The following ODAD3 variants were observed in gnomAD, a reference collection of about 807,000 sequenced individuals.
ODAD3 encodes outer dynein arm docking complex subunit 3.
A neutral mutation model predicts 70.9 loss-of-function variants in ODAD3; 57 were observed. The observed-to-expected ratio is 0.80, with a 90% CI of 0.65 to 1.00. The LOEUF (loss-of-function observed/expected upper bound fraction) is 1.00, where lower values mean the gene tolerates loss of function less well. Among genes scored for constraint, ODAD3 ranks in the 50% least tolerant of loss-of-function variants. The pLI, the probability that ODAD3 is intolerant of heterozygous loss-of-function variation, is 0.00. For synonymous variants in ODAD3, 327 were observed against 315.9 expected, an observed-to-expected ratio of 1.04 and a Z score of -0.37; for missense variants, 797 against 763.9, an observed-to-expected ratio of 1.04 and a Z score of -0.51.
Position 11,435,058 on chromosome 19 carries a change from A to T in ODAD3, c.-42T>A. 2 of 1,555,424 alleles carry T rather than the reference A, an allele frequency of 1.3e-6. No individual in the cohort carries two copies. The highest frequency in any genetic ancestry group is 1.7e-6 in the Non-Finnish European group (2 of 1,153,676). ...AAGGCCCCTAGGGGTTAGGGGGATA[A>T]CTAGGAGTCAGTCGCCCCTGTCAGG... On this transcript the variant is annotated 5_prime_UTR_variant, in exon 1 of 13. Transcript: ENST00000356392.
intron 3 of ODAD3, among the ~76,000 whole-genome samples, chr19:11,427,338 A>T (rs184126490): frequency 2.0e-5 from 3 of 150,182 alleles, no homozygotes; most frequent in Non-Finnish European, 4.4e-5. Context: ...TCTGACACCC[A>T]GGCTGGAGTG....
upstream of ODAD3, chr19:11,435,185 C>G: frequency 9.1e-6 from 13 of 1,428,998 alleles, no homozygotes; most frequent in Non-Finnish European, 1.2e-5. Flanking sequence ...GCCTCCCCGT[C>G]TCTCTCCACT....
rs1237874633 is a variant in ODAD3, at chr19:11,430,324, G to C, written c.444+375C>G. 2.6e-5 allele frequency among the ~76,000 whole-genome samples: 4 copies of C among 152,120 alleles called. No homozygotes were observed. In the East Asian group the frequency reaches 7.8e-4, roughly 29 times the overall value. Reference sequence around the variant, plus strand: ...AGCTAAGTTTTGTATTTTTAGTAGAGACAGGGTTTCTCCATGTTGGTCAGG... The same window carrying C: ...AGCTAAGTTTTGTATTTTTAGTAGACACAGGGTTTCTCCATGTTGGTCAGG... On this transcript the variant is annotated intron_variant, in intron 3 of 12. Coordinates refer to ENST00000356392, the MANE Select transcript of ODAD3 (RefSeq NM_145045.5).
chr19:11,422,663 C>T lies in ODAD3; in HGVS notation c.1278-36G>A, dbSNP rs771663934. On this transcript the variant is annotated intron_variant, in intron 9 of 12. Coordinates refer to ENST00000356392, the MANE Select transcript of ODAD3 (RefSeq NM_145045.5). This position sits in a 1 kb window ranked among gnomAD's most constrained non-coding sequence, Gnocchi z 4.6. ...CCGGGAGGTCACCCCGGGGGCTCAG[C>T]CCGCCCCGCCGCCCTCCCCAGAGCC... The T allele has an allele frequency of 6.2e-7, 1 of 1,605,786 alleles. No homozygotes were observed. Among genetic ancestry groups the T allele is most frequent in the Non-Finnish European group, 8.5e-7 (1 of 1,176,666 alleles).
Position 11,422,515 on chromosome 19 carries a change from C to G in ODAD3, c.1390G>C (p.Asp464His). 6.3e-7 allele frequency: 1 copy of G among 1,594,096 alleles called. No homozygotes were observed. Among genetic ancestry groups the G allele is most frequent in the Non-Finnish European group, 8.5e-7 (1 of 1,172,126 alleles). The change falls in exon 10 of 13, where the codon GAC becomes CAC. Residue 464 changes from aspartate to histidine, a missense_variant. Coordinates refer to ENST00000356392, the MANE Select transcript of ODAD3 (RefSeq NM_145045.5). This position sits in a 1 kb window ranked among gnomAD's most constrained non-coding sequence, Gnocchi z 4.6. ...RALRAMQVAKDSLEHLASKLI... is the reference protein window; with the variant it reads ...RALRAMQVAKHSLEHLASKLI... ...TTGCTGGCCAGGTGCTCCAGGCTGT[C>G]CTTGGCCACTTGCATCGCCCGCAAG...
At chr19:11,430,820 A>G (rs1568353935) in intron 2 of ODAD3, 44 bp from the exon 3 acceptor site, 3 of 1,613,890 alleles carry the variant, frequency 1.9e-6, no homozygotes, top group Non-Finnish European at 2.5e-6. Flanking sequence ...TGCCACCTCC[A>G]GCTAAGGCCA....
intron 1 of ODAD3, chr19:11,434,531 T>C (rs1163712386): frequency 7.2e-6 from 2 of 278,490 alleles, no homozygotes; most frequent in African/African-American, 5.3e-5. Flanking sequence ...AGTGAGATTC[T>C]GCCAAAAAAA....
Position 11,435,046 on chromosome 19 carries a change from G to T in ODAD3, c.-30C>A. On this transcript the variant is annotated 5_prime_UTR_variant, in exon 1 of 13. Transcript: ENST00000356392. ...GGGTTGGGGCTGAAGGCCCCTAGGGGTTAGGGGGATAACTAGGAGTCAGTC... is the reference window on the plus strand; with the variant it reads ...GGGTTGGGGCTGAAGGCCCCTAGGGTTTAGGGGGATAACTAGGAGTCAGTC... 3.2e-6 allele frequency: 5 copies of T among 1,576,588 alleles called. No individual in the cohort carries two copies. The highest frequency in any genetic ancestry group is 4.3e-6 in the Non-Finnish European group (5 of 1,163,056).
rs1568351044 is a variant in ODAD3, at chr19:11,426,167, C to G, written c.940G>C (p.Glu314Gln). ...ACCTTGCGCTCCATGCGCTCGTTCT[C>G]CAGTTTCTTCTCCTCGGCGCGCTTC... is the stretch of plus-strand genomic sequence containing the variant. The part of the protein sequence containing the change: ...CKKRAEEKKL[E>Q]NERMERKTHR... Residue 314 changes from glutamate to glutamine, a missense_variant, in exon 7 of 13, where the codon GAG becomes CAG. Physicochemically the swap from Glu to Gln is conservative, Grantham distance 29 (BLOSUM62 2). Transcript: ENST00000356392. 2 of 1,612,132 alleles carry G rather than the reference C, an allele frequency of 1.2e-6. No individual in the cohort carries two copies.
intron 1 of ODAD3, among the ~76,000 whole-genome samples, chr19:11,432,431 G>A (rs1969522338): frequency 6.6e-6 from 1 of 151,850 alleles, no homozygotes; most frequent in African/African-American, 2.4e-5. Context: ...TTTTTGTAGA[G>A]TCAAGGATCT....
Position 11,422,822 on chromosome 19 carries a change from C to A in ODAD3, c.1156G>T (p.Ala386Ser). The A allele has an allele frequency of 1.2e-6, 2 of 1,607,290 alleles. No individual in the cohort carries two copies. The highest frequency in any genetic ancestry group is 2.7e-5 in the African/African-American group (2 of 75,066). The change falls in exon 9 of 13, where the codon GCG becomes TCG. Residue 386 changes from alanine (A) to serine (S), a missense_variant. Transcript: ENST00000356392. The surrounding 1 kb of genome is among the most constrained non-coding windows in gnomAD (Gnocchi z 4.6). ...TCGCTCTTGAGCGTCTCCAACTGCG[C>A]GAAGGTGTCGCCCTGGGCCAGGAAC... ...RRFLAQGDTF[A>S]QLETLKSENE...
rs1599453350 is a variant in ODAD3, at chr19:11,422,933, C to T, written c.1117-72G>A. 6.6e-7 allele frequency: 1 copy of T among 1,517,560 alleles called. No individual in the cohort carries two copies. The highest frequency in any genetic ancestry group is 2.3e-5 in the East Asian group (1 of 43,664). 94.0% of individuals were successfully genotyped at this position (1,517,560 alleles called of 1,614,324 possible). A position where few individuals can be genotyped will look rare whatever the true frequency, so the allele number is the denominator to read the frequency against. ...GGGGCGCTCCACCTCCTCTCCCCCA[C>T]CCTGCGAACCCTCGCACGCAGGACA... On this transcript the variant is annotated intron_variant, in intron 8 of 12. Coordinates refer to ENST00000356392, the MANE Select transcript of ODAD3 (RefSeq NM_145045.5). This position sits in a 1 kb window ranked among gnomAD's most constrained non-coding sequence, Gnocchi z 4.6.
chr19:11,423,814 A>G, intron 8 of ODAD3, 63 bp downstream of exon 8: 6 of 1,355,744 alleles, frequency 4.4e-6, no homozygotes, highest in Non-Finnish European at 5.8e-6. Context: ...CGGCTTAGGC[A>G]CCCCTGGGGC....
chr19:11,422,866 G>C lies in ODAD3; in HGVS notation c.1117-5C>G, dbSNP rs754536374. The C allele has an allele frequency of 8.1e-6, 13 of 1,601,230 alleles. No individual in the cohort carries two copies. Among genetic ancestry groups the C allele is most frequent in the Non-Finnish European group, 1.0e-5 (12 of 1,179,536 alleles). ...CAGGAACCGCCGCACCAACGACTGC[G>C]GGCCACCCAGCCCCAGTCAGAGCCA... is the stretch of plus-strand genomic sequence containing the variant. On this transcript the variant is annotated splice_polypyrimidine_tract_variant and splice_region_variant and intron_variant, in intron 8 of 12. Transcript: ENST00000356392. This position sits in a 1 kb window ranked among gnomAD's most constrained non-coding sequence, Gnocchi z 4.6.
chr19:11,426,446 C>T lies in ODAD3; in HGVS notation c.840G>A (p.Lys280=), dbSNP rs1197369595. The T allele has an allele frequency of 3.1e-6, 5 of 1,614,002 alleles. No individual in the cohort carries two copies. Among genetic ancestry groups the T allele is most frequent in the South Asian group, 1.1e-5 (1 of 91,082 alleles). The change falls in exon 6 of 13, where the codon AAG becomes AAA. Residue 280 remains lysine (K), a splice_region_variant and synonymous_variant. Transcript: ENST00000356392. The part of the protein sequence containing the change: ...QEALNARDIA[K]NQLQYLEETL... ...TGGCCGAGGGCAAGAGGGGTGGCACCTTGGCAATGTCCCGGGCATTGAGGG... is the reference window on the plus strand; with the variant it reads ...TGGCCGAGGGCAAGAGGGGTGGCACTTTGGCAATGTCCCGGGCATTGAGGG...
rs1441269226 is a variant in ODAD3, at chr19:11,425,105, A to ATATATGTGTATATGTACATATGTG, written c.963+1015_963+1038dup. Among the ~76,000 whole-genome samples the ATATATGTGTATATGTACATATGTG allele has an allele frequency of 1.6e-4, 21 of 133,340 alleles. 1 individual carries two copies. The South Asian group carries it at 1.8e-3, about 12-fold the overall frequency. The allele number at this position is 133,340 out of a possible 152,430, so 87.5% of individuals were successfully genotyped here. A position where few individuals can be genotyped will look rare whatever the true frequency, so the allele number is the denominator to read the frequency against. ...TATATGTACATATGTGTATATATGT[A>ATATATGTGTATATGTACATATGTG]TATATGTGTATATGTACATATGTGT... On this transcript the variant is annotated intron_variant, in intron 7 of 12. Transcript: ENST00000356392.
Position 11,422,955 on chromosome 19 carries a change from G to A in ODAD3, c.1117-94C>T, listed in dbSNP as rs1969177535. On this transcript the variant is annotated intron_variant, in intron 8 of 12. Coordinates refer to ENST00000356392, the MANE Select transcript of ODAD3 (RefSeq NM_145045.5). This position sits in a 1 kb window ranked among gnomAD's most constrained non-coding sequence, Gnocchi z 4.6. ...CCACCCTGCGAACCCTCGCACGCAG[G>A]ACAGGTGGCCTGAGCTGGCGCCTTT... 4 of 1,429,668 alleles carry A rather than the reference G, an allele frequency of 2.8e-6. No individual in the cohort carries two copies. Among genetic ancestry groups the A allele is most frequent in the South Asian group, 2.6e-5 (2 of 77,574 alleles). The allele number at this position is 1,429,668 out of a possible 1,614,324, so 88.6% of individuals were successfully genotyped here.
At chr19:11,424,585 CTA>C (rs1420223016) in intron 7 of ODAD3, among the ~76,000 whole-genome samples, 5 of 116,748 alleles carry the variant, frequency 4.3e-5, no homozygotes, top group African/African-American at 1.6e-4. Flanking sequence ...GTATATATAC[CTA>C]TGTGTATAAA....
Position 11,430,756 on chromosome 19 carries a change from C to T in ODAD3, c.387G>A (p.Gln129=), listed in dbSNP as rs1433207608. 6.2e-7 allele frequency: 1 copy of T among 1,614,096 alleles called. No individual in the cohort carries two copies. The highest frequency in any genetic ancestry group is 1.7e-5 in the Admixed American group (1 of 59,986). ...DLLKGDEKVV[Q]AVIREWKWEK... The stretch of plus-strand genomic sequence containing the variant: ...CCCACTTCCATTCGCGAATCACTGC[C>T]TGGACCACTTTCTCATCTCCCTGCA... Residue 129 remains glutamine (Q), a synonymous_variant, in exon 3 of 13, where the codon CAG becomes CAA. Transcript: ENST00000356392.
Sources: gnomAD v4.1 joint callset for allele counts (sites outside exome capture counted in the v4.1 genomes callset) on GRCh38, gnomAD v4.1.1 for gene constraint, Gnocchi (gnomAD v3.1) non-coding constraint, MANE v1.5 for transcripts, NCBI Gene and HGNC (gene_info 2026-07-23, HGNC 2026-07-21) for gene names.